Variants in TTLL11 observed in about 807,000 individuals in gnomAD.
TTLL11 encodes the protein tubulin polyglutamylase TTLL11.
Under a neutral mutation model 51.7 loss-of-function variants are expected in TTLL11, and 42 were observed. That is an observed-to-expected ratio of 0.81 (90% CI 0.64 to 1.05). The LOEUF is 1.05. Among genes scored for constraint, TTLL11 ranks in the 50% least tolerant of loss-of-function variants. The pLI is 0.00. For missense variants in TTLL11, 799 were observed against 940.4 expected (o/e 0.85, Z 1.97); for synonymous variants, 381 against 383.5 (o/e 0.99, Z 0.08).
At chr9:122,003,465 C>T (rs1026382916) in intron 3 of TTLL11, among the ~76,000 whole-genome samples, 3 of 147,866 alleles carry the variant, frequency 2.0e-5, no homozygotes, top group East Asian at 4.0e-4. Flanking sequence ...CAACTTTAAT[C>T]GAAATATGCA....
chr9:122,080,405 T>C (rs1209230689), intron 1 of TTLL11, among the ~76,000 whole-genome samples: 1 of 152,166 alleles, frequency 6.6e-6, no homozygotes, highest in Non-Finnish European at 1.5e-5. Context: ...TGAAATATGC[T>C]GGGTGCAGTG....
intron 6 of TTLL11, among the ~76,000 whole-genome samples, chr9:121,899,391 A>ATATATG (rs1554766965): frequency 2.4e-5 from 3 of 126,646 alleles, no homozygotes; most frequent in South Asian, 2.8e-4. Context: ...ATATATATAT[A>ATATATG]TATATATATA....
intron 4 of TTLL11, among the ~76,000 whole-genome samples, chr9:121,984,049 A>C (rs1842886100): frequency 6.6e-6 from 1 of 152,220 alleles, no homozygotes; most frequent in South Asian, 2.1e-4. Context: ...GTCAGCCGAG[A>C]CAGAAGAGAA....
rs138237223 is a variant in TTLL11 at position 121,845,223 on chromosome 9, A to G, written c.1840+15114T>C. 2.2e-4 allele frequency among the ~76,000 whole-genome samples: 34 copies of G among 152,266 alleles called. No individual in the cohort carries two copies. The East Asian group carries it at 6.4e-3, about 28-fold the overall frequency. On this transcript the variant is annotated intron_variant, in intron 8 of 8. Coordinates refer to ENST00000321582, the MANE Select transcript of TTLL11 (RefSeq NM_001139442.2). ...AAGAATTACACCAGCCATCTCACCT[A>G]AAACCATGCAAGCAAGAAGAGAGTG...
chr9:122,031,085 G>A (rs1844526754), intron 3 of TTLL11, among the ~76,000 whole-genome samples: 1 of 152,230 alleles, frequency 6.6e-6, no homozygotes, highest in South Asian at 2.1e-4. Flanking sequence ...GGGACAGACT[G>A]TGAAACTTGT....
At chr9:121,993,451 C>T (rs115990873) in intron 3 of TTLL11, among the ~76,000 whole-genome samples, 2 of 152,342 alleles carry the variant, frequency 1.3e-5, no homozygotes, top group African/African-American at 4.8e-5. Context: ...AGTCACCTAA[C>T]TTTCTGGGCT....
intron 6 of TTLL11, among the ~76,000 whole-genome samples, chr9:121,897,647 C>T (rs1839587868): frequency 1.3e-5 from 2 of 152,044 alleles, no homozygotes; most frequent in Non-Finnish European, 2.9e-5. Context: ...CACACGCGCG[C>T]GCGAAGTCTC....
intron 6 of TTLL11, among the ~76,000 whole-genome samples, chr9:121,896,115 A>T (rs1839512803): frequency 6.6e-6 from 1 of 151,306 alleles, no homozygotes; most frequent in South Asian, 2.1e-4. Flanking sequence ...TGTGTTTTTG[A>T]GTGTGTGTGC....
intron 8 of TTLL11, among the ~76,000 whole-genome samples, chr9:121,845,303 A>G (rs1246014083): frequency 6.6e-6 from 1 of 152,174 alleles, no homozygotes; most frequent in African/African-American, 2.4e-5. Flanking sequence ...AGAATTCTGT[A>G]TGGAGTGAAA....
At chr9:122,026,989 T>C (rs1020945826) in intron 3 of TTLL11, among the ~76,000 whole-genome samples, 1 of 150,566 alleles carries the variant, frequency 6.6e-6, no homozygotes, top group Non-Finnish European at 1.5e-5. Context: ...TGAGACTGGG[T>C]AATTTATAAA....
chr9:121,967,799 A>G lies in TTLL11; in HGVS notation c.1481+6210T>C, dbSNP rs114998099. On this transcript the variant is annotated intron_variant, in intron 6 of 8. Coordinates refer to ENST00000321582, the MANE Select transcript of TTLL11 (RefSeq NM_001139442.2). ...ATGTGGTCTATCCATCTCTTGGAAT[A>G]TTATTCAGCTGTAAAAAGGAATGAA... Among the ~76,000 whole-genome samples the G allele has an allele frequency of 2.2e-3, 341 of 152,330 alleles. 2 individuals carry two copies. The highest frequency in any genetic ancestry group is 7.9e-3 in the African/African-American group (330 of 41,582).
At chr9:121,910,658 G>A (rs982489654) in intron 6 of TTLL11, among the ~76,000 whole-genome samples, 6 of 152,138 alleles carry the variant, frequency 3.9e-5, no homozygotes, top group Non-Finnish European at 8.8e-5. Context: ...CAAGACAATC[G>A]AAAATGTTTA....
At chr9:121,866,936 A>C (rs1838197973) in intron 7 of TTLL11, among the ~76,000 whole-genome samples, 1 of 152,182 alleles carries the variant, frequency 6.6e-6, no homozygotes. Context: ...TAATGTCACA[A>C]AACCTGGGTT....
intron 8 of TTLL11, among the ~76,000 whole-genome samples, chr9:121,851,074 T>C (rs1478396409): frequency 6.6e-6 from 1 of 152,014 alleles, no homozygotes; most frequent in Non-Finnish European, 1.5e-5. Context: ...TATTGTTAAG[T>C]GAAAAGAGCC....
At chr9:122,047,491 C>T (rs1845041459) in intron 1 of TTLL11, among the ~76,000 whole-genome samples, 1 of 152,118 alleles carries the variant, frequency 6.6e-6, no homozygotes, top group African/African-American at 2.4e-5. Context: ...TCAGGTAGGG[C>T]TGCACCCTGT....
chr9:122,022,962 A>G (rs1391508460), intron 3 of TTLL11, among the ~76,000 whole-genome samples: 1 of 151,956 alleles, frequency 6.6e-6, no homozygotes, highest in African/African-American at 2.4e-5. Context: ...GTGATAACTC[A>G]AAAATGTATA....
rs1016091111 is a variant in TTLL11 at position 121,862,036 on chromosome 9, C to T, written c.1734-1593G>A. ...GAATTGACAGGAGGATTGTGGGGGA[C>T]GGGCCTCTGAGCTTTGGATGCTCCA... On this transcript the variant is annotated intron_variant, in intron 7 of 8. Transcript: ENST00000321582. Among the ~76,000 whole-genome samples the T allele has an allele frequency of 7.9e-5, 12 of 152,198 alleles. No homozygotes were observed. In the Middle Eastern group the frequency reaches 0.01, roughly 130 times the overall value.
At chr9:121,893,795 T>A (rs1226708959) in intron 6 of TTLL11, among the ~76,000 whole-genome samples, 1 of 152,200 alleles carries the variant, frequency 6.6e-6, no homozygotes, top group Admixed American at 6.5e-5. Context: ...AAGCTTAAGC[T>A]TAGATGGAGA....
At chr9:121,974,816 G>T in intron 5 of TTLL11, 68 bp downstream of exon 5, 1 of 1,190,750 alleles carries the variant, frequency 8.4e-7, no homozygotes. Flanking sequence ...TTTGTTAAGT[G>T]AGCAACATGA....
Sources: allele counts gnomAD v4.1 joint callset (sites outside exome capture counted in the v4.1 genomes callset), GRCh38; gene constraint gnomAD v4.1.1; transcripts MANE v1.5; gene names NCBI Gene and HGNC (gene_info 2026-07-23, HGNC 2026-07-21).